GLI2: variants seen among roughly 807,000 people sequenced by gnomAD.
GLI2 encodes transcription activator GLI2.
In GLI2, 22 loss-of-function variants were observed where a neutral mutation model predicts 78.9. That is an observed-to-expected ratio of 0.28 (90% confidence interval 0.20 to 0.40). The LOEUF is 0.40. Ranked by LOEUF, GLI2 falls within the 10% of genes least tolerant of loss-of-function variation. The pLI is 1.00. For missense variants in GLI2, 2,097 were observed against 2,213.2 expected, an observed-to-expected ratio of 0.95 and a Z score of 1.05; for synonymous variants, 974 against 963.7, an observed-to-expected ratio of 1.01 and a Z score of -0.20.
Position 120,986,385 on chromosome 2 carries a change from C to T in GLI2, c.2013C>T (p.Pro671=), listed in dbSNP as rs147314921. 6.9e-5 allele frequency: 112 copies of T among 1,613,584 alleles called. No individual in the cohort carries two copies. The African/African-American group carries it at 8.3e-4, about 12-fold the overall frequency. Residue 671 remains proline (P), a synonymous_variant, in exon 13 of 14, where the codon CCC becomes CCT. Coordinates refer to ENST00000361492, the MANE Select transcript of GLI2 (RefSeq NM_001374353.1). ...DSGVEMPGTG[P]GSLGDLTALD... ...GCGTGGAGATGCCGGGGACGGGGCCCGGGAGCCTGGGAGACCTGACGGCAC... is the reference window on the plus strand; with the variant it reads ...GCGTGGAGATGCCGGGGACGGGGCCTGGGAGCCTGGGAGACCTGACGGCAC...
intron 2 of GLI2, among the ~76,000 whole-genome samples, chr2:120,897,064 C>G (rs1678007253): frequency 6.6e-6 from 1 of 152,226 alleles, no homozygotes; most frequent in East Asian, 1.9e-4. Context: ...GGAAGAGATT[C>G]CTGCACTGTT....
intron 2 of GLI2, among the ~76,000 whole-genome samples, chr2:120,908,715 G>A (rs1328306050): frequency 1.3e-5 from 2 of 152,196 alleles, no homozygotes; most frequent in Non-Finnish European, 2.9e-5. Flanking sequence ...CTGAAGCTGT[G>A]GTTTAGGGGA....
chr2:120,872,074 T>A (rs1258622462), intron 2 of GLI2, among the ~76,000 whole-genome samples: 2 of 151,874 alleles, frequency 1.3e-5, no homozygotes, highest in Non-Finnish European at 1.5e-5. Flanking sequence ...GAGCACAAAG[T>A]TTGTTGTGCC....
chr2:120,813,453 G>A (rs879652486), intron 2 of GLI2, among the ~76,000 whole-genome samples: 1 of 152,196 alleles, frequency 6.6e-6, no homozygotes, highest in Non-Finnish European at 1.5e-5. Context: ...GGAACAGCCT[G>A]ATCCCCTCAG....
At chr2:120,917,236 T>G (rs1375093742) in intron 2 of GLI2, among the ~76,000 whole-genome samples, 1 of 152,238 alleles carries the variant, frequency 6.6e-6, no homozygotes, top group African/African-American at 2.4e-5. Context: ...CTGTTTCATA[T>G]AGGATTAAGT....
At chr2:120,815,997 G>C (rs1685476134) in intron 2 of GLI2, among the ~76,000 whole-genome samples, 1 of 152,146 alleles carries the variant, frequency 6.6e-6, no homozygotes, top group Non-Finnish European at 1.5e-5. Context: ...GAGGTGGGTT[G>C]TATGACCCTC....
At chr2:120,832,293 C>A (rs974455463) in intron 2 of GLI2, among the ~76,000 whole-genome samples, 3 of 152,160 alleles carry the variant, frequency 2.0e-5, no homozygotes, top group African/African-American at 7.2e-5. Flanking sequence ...TACCCAGAAC[C>A]CCATCACCCT....
At chr2:120,859,452 CTTTTTTTTTTTTTTTT>C (rs57311162) in intron 2 of GLI2, among the ~76,000 whole-genome samples, 1 of 125,486 alleles carries the variant, frequency 8.0e-6, no homozygotes, top group African/African-American at 3.1e-5. Flanking sequence ...ATACTCCCTC[CTTTTTTTTTTTTTTTT>C]TTTTTTTGAC....
chr2:120,877,677 G>A (rs780015022), intron 2 of GLI2, among the ~76,000 whole-genome samples: 8 of 152,192 alleles, frequency 5.3e-5, no homozygotes, highest in East Asian at 3.8e-4. Flanking sequence ...GGATTCATTC[G>A]TGTTATTACC....
chr2:120,794,374 C>T (rs914209476), intron 1 of GLI2, among the ~76,000 whole-genome samples: 1 of 152,132 alleles, frequency 6.6e-6, no homozygotes, highest in South Asian at 2.1e-4. Flanking sequence ...GGAGAGGAGG[C>T]TTTAGGTAGA....
At chr2:120,814,842 C>T (rs1406261804) in intron 2 of GLI2, among the ~76,000 whole-genome samples, 1 of 128,258 alleles carries the variant, frequency 7.8e-6, no homozygotes, top group Non-Finnish European at 1.6e-5. Flanking sequence ...TGAAACTGGT[C>T]CCTGGTGCCA....
intron 2 of GLI2, among the ~76,000 whole-genome samples, chr2:120,863,330 T>A (rs1267714446): frequency 6.6e-6 from 1 of 152,228 alleles, no homozygotes. Context: ...GGTCAAGGGC[T>A]GCCTGACCCA....
intron 2 of GLI2, among the ~76,000 whole-genome samples, chr2:120,823,579 G>T (rs1033098181): frequency 7.9e-5 from 12 of 152,326 alleles, no homozygotes; most frequent in African/African-American, 2.2e-4. Context: ...TTTGCTGTGG[G>T]ATGTGGGGAG....
intron 2 of GLI2, among the ~76,000 whole-genome samples, chr2:120,880,058 C>T (rs1677045266): frequency 6.6e-6 from 1 of 152,160 alleles, no homozygotes; most frequent in East Asian, 1.9e-4. Flanking sequence ...CTGCTTTATT[C>T]CCTCTCTGTG....
At chr2:120,971,730 TG>T (rs886437552) in intron 7 of GLI2, among the ~76,000 whole-genome samples, 8 of 152,168 alleles carry the variant, frequency 5.3e-5, no homozygotes, top group African/African-American at 1.9e-4. Context: ...GATGGAGAGA[TG>T]GGGGTTGGCA....
At position 120,945,158 on chromosome 2, in the gene GLI2, A is replaced by C. The variant is rs75872883; in HGVS notation, c.255-6085A>C. 2.6e-5 allele frequency among the ~76,000 whole-genome samples: 4 copies of C among 152,316 alleles called. No individual in the cohort carries two copies. In the East Asian group the frequency reaches 7.7e-4, roughly 29 times the overall value. The stretch of plus-strand genomic sequence containing the variant: ...AGCCTCCTGGGGCAAGGACCCAATC[A>C]CAGTCAGCAGGCCAGAACCAACATC... On this transcript the variant is annotated intron_variant, in intron 3 of 13. Transcript: ENST00000361492.
At chr2:120,872,397 T>C (rs1688510549) in intron 2 of GLI2, among the ~76,000 whole-genome samples, 1 of 152,162 alleles carries the variant, frequency 6.6e-6, no homozygotes, top group Admixed American at 6.5e-5. Flanking sequence ...TGCTGCCTAG[T>C]CCTGTCCTTT....
intron 3 of GLI2, among the ~76,000 whole-genome samples, chr2:120,945,957 T>TCACACACA (rs3223143): frequency 0.077 from 10,270 of 134,160 alleles, 695 homozygotes; most frequent in African/African-American, 0.16. Flanking sequence ...CATAACCTTC[T>TCACACACA]CACACACACA....
At chr2:120,866,592 A>T (rs1688144663) in intron 2 of GLI2, 1 of 149,524 alleles carries the variant, frequency 6.7e-6, no homozygotes, top group Non-Finnish European at 1.5e-5. Context: ...GTCTCCTGCC[A>T]TCCCCCACCC....
Sources: allele counts gnomAD v4.1 joint callset (sites outside exome capture counted in the v4.1 genomes callset), GRCh38; gene constraint gnomAD v4.1.1; transcripts MANE v1.5; gene names NCBI Gene and HGNC (gene_info 2026-07-23, HGNC 2026-07-21).